LRRC8D: variants seen among roughly 807,000 people sequenced by gnomAD.
The protein encoded by LRRC8D is leucine rich repeat containing 8 VRAC subunit D.
A neutral mutation model predicts 55.8 loss-of-function variants in LRRC8D; 20 were observed. That is an observed-to-expected ratio of 0.36 (90% CI 0.25 to 0.52). The LOEUF (loss-of-function observed/expected upper bound fraction) is 0.52. Among genes scored for constraint, LRRC8D ranks in the 20% least tolerant of loss-of-function variants. LRRC8D has a pLI of 0.93. For missense variants in LRRC8D, 651 were observed against 1,030.8 expected, an observed-to-expected ratio of 0.63 and a Z score of 5.05; for synonymous variants, 352 against 377.0, an observed-to-expected ratio of 0.93 and a Z score of 0.77.
intron 2 of LRRC8D, among the ~76,000 whole-genome samples, chr1:89,930,068 A>G (rs779732720): frequency 1.4e-4 from 22 of 152,176 alleles, no homozygotes; most frequent in African/African-American, 4.6e-4. Flanking sequence ...TCCCAAAACC[A>G]TCTCTCCCCC....
intron 2 of LRRC8D, among the ~76,000 whole-genome samples, chr1:89,917,445 A>C (rs573332083): frequency 4.6e-5 from 7 of 152,238 alleles, no homozygotes; most frequent in Admixed American, 4.6e-4. Flanking sequence ...TAGTTTGATG[A>C]CATCAAACTA....
At chr1:89,862,904 A>G (rs1258002445) in intron 2 of LRRC8D, among the ~76,000 whole-genome samples, 4 of 152,208 alleles carry the variant, frequency 2.6e-5, no homozygotes, top group Non-Finnish European at 5.9e-5. Flanking sequence ...CCGTGATTTC[A>G]TGGATGAGAT....
In LRRC8D at chr1:89,843,645, A is replaced by G. The variant is rs182055396; in HGVS notation, c.-140A>G. Reference sequence around the variant, plus strand: ...CCCTGTGTTTTCAAACAGGAAGTGCACGGCTGTCTATAACGTGCTGCCGGG... The same window carrying G: ...CCCTGTGTTTTCAAACAGGAAGTGCGCGGCTGTCTATAACGTGCTGCCGGG... On this transcript the variant is annotated 5_prime_UTR_variant, in exon 2 of 3. Coordinates refer to ENST00000337338, the MANE Select transcript of LRRC8D (RefSeq NM_001134479.2). 209 of 702,390 alleles carry G rather than the reference A, an allele frequency of 3.0e-4. 1 individual carries two copies. The African/African-American group carries it at 3.0e-3, about 10-fold the overall frequency. 43.5% of individuals were successfully genotyped at this position (702,390 alleles called of 1,614,324 possible).
At chr1:89,921,482 C>A (rs781107715) in intron 2 of LRRC8D, among the ~76,000 whole-genome samples, 2 of 152,108 alleles carry the variant, frequency 1.3e-5, no homozygotes, top group Non-Finnish European at 2.9e-5. Context: ...AATAGGGGTA[C>A]TAAGACCTCC....
chr1:89,857,011 T>TA (rs1382822308), intron 2 of LRRC8D, among the ~76,000 whole-genome samples: 1 of 152,040 alleles, frequency 6.6e-6, no homozygotes, highest in African/African-American at 2.4e-5. Flanking sequence ...TTTAGTTTCT[T>TA]AAAACAAAAA....
intron 1 of LRRC8D, among the ~76,000 whole-genome samples, chr1:89,838,658 A>G (rs1050970223): frequency 6.6e-6 from 1 of 152,148 alleles, no homozygotes; most frequent in Admixed American, 6.5e-5. Context: ...CCCTTCTTTC[A>G]CAGTATTATG....
At chr1:89,881,700 A>G (rs1448498363) in intron 2 of LRRC8D, among the ~76,000 whole-genome samples, 1 of 152,054 alleles carries the variant, frequency 6.6e-6, no homozygotes, top group African/African-American at 2.4e-5. Flanking sequence ...TGGCCTGAAA[A>G]GGCATGATCA....
At chr1:89,922,412 C>T (rs111545162) in intron 2 of LRRC8D, among the ~76,000 whole-genome samples, 2,543 of 152,236 alleles carry the variant, frequency 0.017, 67 homozygotes, top group African/African-American at 0.049. Context: ...AAATTAAATG[C>T]CACATATTTA....
At chr1:89,923,048 G>T (rs369167288) in intron 2 of LRRC8D, among the ~76,000 whole-genome samples, 4,122 of 152,130 alleles carry the variant, frequency 0.027, 177 homozygotes, top group African/African-American at 0.085. Flanking sequence ...TTCTAAAAGG[G>T]TTATATTCAA....
At chr1:89,894,218 G>A (rs559122891) in intron 2 of LRRC8D, among the ~76,000 whole-genome samples, 2 of 152,288 alleles carry the variant, frequency 1.3e-5, no homozygotes, top group African/African-American at 4.8e-5. Flanking sequence ...GGCTGTGTTG[G>A]TACCCTGATC....
At chr1:89,910,125 T>C (rs1306276068) in intron 2 of LRRC8D, among the ~76,000 whole-genome samples, 1 of 152,192 alleles carries the variant, frequency 6.6e-6, no homozygotes, top group African/African-American at 2.4e-5. Context: ...ACAGCCTAAA[T>C]TTAGTGAAGA....
At chr1:89,832,713 C>G (rs1030583775) in intron 1 of LRRC8D, among the ~76,000 whole-genome samples, 1 of 152,300 alleles carries the variant, frequency 6.6e-6, no homozygotes, top group African/African-American at 2.4e-5. Context: ...AAGATCCTAT[C>G]AGGAAGTGAA....
intron 2 of LRRC8D, among the ~76,000 whole-genome samples, chr1:89,915,223 C>T (rs932786226): frequency 1.3e-5 from 2 of 152,022 alleles, no homozygotes; most frequent in East Asian, 1.9e-4. Context: ...CAGAGTGTAG[C>T]GTTTAGGAAT....
chr1:89,921,271 A>G (rs778699416), intron 2 of LRRC8D, among the ~76,000 whole-genome samples: 3 of 152,136 alleles, frequency 2.0e-5, no homozygotes, highest in Non-Finnish European at 2.9e-5. Context: ...CCAGGAGGTC[A>G]AGGCTGCAGT....
chr1:89,884,616 A>G (rs1371235669), intron 2 of LRRC8D, among the ~76,000 whole-genome samples: 2 of 152,226 alleles, frequency 1.3e-5, no homozygotes, highest in Non-Finnish European at 2.9e-5. Flanking sequence ...ATGGGTTCAA[A>G]CCCCAACTCT....
At chr1:89,873,860 C>A (rs1405413835) in intron 2 of LRRC8D, among the ~76,000 whole-genome samples, 1 of 152,138 alleles carries the variant, frequency 6.6e-6, no homozygotes, top group Non-Finnish European at 1.5e-5. Flanking sequence ...GGTCATTAAT[C>A]TTTTCTATGG....
At chr1:89,843,147 T>C (rs1349261124) in intron 1 of LRRC8D, 1 of 152,496 alleles carries the variant, frequency 6.6e-6, no homozygotes, top group Non-Finnish European at 1.5e-5. Context: ...CTATGAACTT[T>C]AAAAATTTGC....
chr1:89,825,773 C>A (rs899528195), intron 1 of LRRC8D, among the ~76,000 whole-genome samples: 15 of 152,216 alleles, frequency 9.9e-5, no homozygotes, highest in Non-Finnish European at 1.5e-5. Context: ...CTGAAGCTGG[C>A]AGGTAAGAAA....
In LRRC8D at chr1:89,935,993, C is replaced by G. The variant is rs1663844705; in HGVS notation, c.*348C>G. The G allele has an allele frequency of 4.9e-6, 1 of 204,980 alleles. No homozygotes were observed. Among genetic ancestry groups the G allele is most frequent in the African/African-American group, 2.4e-5 (1 of 42,194 alleles). 12.7% of individuals were successfully genotyped at this position (204,980 alleles called of 1,614,324 possible). A position where few individuals can be genotyped will look rare whatever the true frequency, so the allele number is the denominator to read the frequency against. ...AAGTAAATGATTAAATTGACATTTT[C>G]TTACTATATCACCTTTTTTGAGGGG... On this transcript the variant is annotated 3_prime_UTR_variant, in exon 3 of 3. Transcript: ENST00000337338.
Sources: allele counts gnomAD v4.1 joint callset (sites outside exome capture counted in the v4.1 genomes callset), GRCh38; gene constraint gnomAD v4.1.1; transcripts MANE v1.5; gene names NCBI Gene and HGNC (gene_info 2026-07-23, HGNC 2026-07-21).